The following CLSTN2 variants were observed in gnomAD, a reference collection of about 807,000 sequenced individuals.
The protein encoded by CLSTN2 is calsyntenin 2, also known as calsyntenin-2.
CLSTN2 carries 48 observed loss-of-function variants against 101.2 expected under a neutral mutation model. The observed-to-expected ratio is 0.47, with a 90% CI of 0.38 to 0.60. CLSTN2 has a LOEUF of 0.60. Among genes scored for constraint, CLSTN2 ranks in the 20% least tolerant of loss-of-function variants. CLSTN2 has a pLI of 0.00. For synonymous variants in CLSTN2, 481 were observed against 463.6 expected, an observed-to-expected ratio of 1.04 and a Z score of -0.48; for missense variants, 1,160 against 1,238.2, an observed-to-expected ratio of 0.94 and a Z score of 0.95.
chr3:140,123,965 C>T (rs1395103424), intron 1 of CLSTN2, among the ~76,000 whole-genome samples: 3 of 152,196 alleles, frequency 2.0e-5, no homozygotes, highest in Non-Finnish European at 2.9e-5. Flanking sequence ...TCTACAAAAA[C>T]AATCACACTG....
intron 5 of CLSTN2, among the ~76,000 whole-genome samples, chr3:140,444,807 C>T (rs1559871486): frequency 6.6e-6 from 1 of 152,114 alleles, no homozygotes; most frequent in Non-Finnish European, 1.5e-5. Flanking sequence ...AAGTGGTAAG[C>T]GTGGGATTTA....
intron 1 of CLSTN2, among the ~76,000 whole-genome samples, chr3:139,947,634 A>C (rs2107808987): frequency 6.6e-6 from 1 of 152,358 alleles, no homozygotes; most frequent in South Asian, 2.1e-4. Context: ...TGTCATAGCT[A>C]AGACCCCGAT....
chr3:140,399,787 T>C, intron 2 of CLSTN2, among the ~76,000 whole-genome samples: 1 of 152,096 alleles, frequency 6.6e-6, no homozygotes, highest in East Asian at 1.9e-4. Flanking sequence ...GGTGCTAGAG[T>C]TTGGAGTATG....
At chr3:140,310,120 G>A (rs539394710) in intron 2 of CLSTN2, among the ~76,000 whole-genome samples, 1 of 152,206 alleles carries the variant, frequency 6.6e-6, no homozygotes, top group South Asian at 2.1e-4. Flanking sequence ...TAAGACTGCA[G>A]GAGCTCAGAT....
rs1491481391 is a variant in CLSTN2, at chr3:140,171,798, AAT to A, written c.110-4150_110-4149del. ...ATGTATTATATAATATATAATATAT[AAT>A]ATGTATTATATATTATATATTATAT... On this transcript the variant is annotated intron_variant, in intron 1 of 16. Transcript: ENST00000458420. 8.1e-5 allele frequency among the ~76,000 whole-genome samples: 8 copies of A among 98,616 alleles called. No homozygotes were observed. In the East Asian group the frequency reaches 1.5e-3, roughly 19 times the overall value. The allele number at this position is 98,616 out of a possible 152,430, so 64.7% of individuals were successfully genotyped here.
At chr3:140,466,322 C>G (rs1933700842) in intron 7 of CLSTN2, among the ~76,000 whole-genome samples, 1 of 152,056 alleles carries the variant, frequency 6.6e-6, no homozygotes, top group Non-Finnish European at 1.5e-5. Flanking sequence ...TAATTTGTAC[C>G]CTGGGACTGA....
intron 1 of CLSTN2, among the ~76,000 whole-genome samples, chr3:139,973,476 G>A (rs755729319): frequency 3.3e-5 from 5 of 152,084 alleles, no homozygotes; most frequent in Admixed American, 6.6e-5. Flanking sequence ...CTTGGGGGTT[G>A]GGGGGAAGGA....
chr3:140,307,447 T>A (rs575264469), intron 2 of CLSTN2, among the ~76,000 whole-genome samples: 11 of 152,026 alleles, frequency 7.2e-5, no homozygotes, highest in Non-Finnish European at 1.5e-4. Context: ...ATCATGTCCA[T>A]GTCTCACTGC....
At chr3:139,983,272 A>G (rs1935964503) in intron 1 of CLSTN2, among the ~76,000 whole-genome samples, 1 of 152,142 alleles carries the variant, frequency 6.6e-6, no homozygotes, top group Non-Finnish European at 1.5e-5. Context: ...TTATAAAAAG[A>G]GTGGACTGAA....
intron 2 of CLSTN2, among the ~76,000 whole-genome samples, chr3:140,349,472 G>T (rs1333210243): frequency 6.6e-6 from 1 of 152,140 alleles, no homozygotes; most frequent in African/African-American, 2.4e-5. Flanking sequence ...TTTTGCAATG[G>T]GGATAATCCA....
chr3:140,109,104 G>C (rs935556325), intron 1 of CLSTN2, among the ~76,000 whole-genome samples: 5 of 152,190 alleles, frequency 3.3e-5, no homozygotes, highest in African/African-American at 1.2e-4. Flanking sequence ...ATGGCTTAGG[G>C]AGTTAATTCT....
chr3:140,491,856 A>C (rs1263079543), intron 8 of CLSTN2, among the ~76,000 whole-genome samples: 1 of 152,180 alleles, frequency 6.6e-6, no homozygotes, highest in Admixed American at 6.5e-5. Flanking sequence ...AGTTTAAATA[A>C]AAATATTAAG....
intron 1 of CLSTN2, among the ~76,000 whole-genome samples, chr3:140,065,424 T>C (rs2008282989): frequency 6.6e-6 from 1 of 152,226 alleles, no homozygotes; most frequent in African/African-American, 2.4e-5. Flanking sequence ...TGAGCACTTG[T>C]TCAAATGCAA....
intron 2 of CLSTN2, among the ~76,000 whole-genome samples, chr3:140,326,669 C>T (rs944737879): frequency 6.6e-6 from 1 of 152,290 alleles, no homozygotes; most frequent in Admixed American, 6.5e-5. Context: ...AGCTACCACC[C>T]TTTTTGTCCT....
At chr3:140,419,194 T>C (rs964561383) in intron 4 of CLSTN2, among the ~76,000 whole-genome samples, 23 of 151,428 alleles carry the variant, frequency 1.5e-4, no homozygotes, top group African/African-American at 5.6e-4. Flanking sequence ...AAAATATACC[T>C]GAGTCAGGCT....
At chr3:140,465,263 G>A (rs1933662712) in intron 7 of CLSTN2, among the ~76,000 whole-genome samples, 1 of 152,218 alleles carries the variant, frequency 6.6e-6, no homozygotes, top group Admixed American at 6.5e-5. Context: ...ATCTGTGCCT[G>A]TAAGTGTATC....
intron 9 of CLSTN2, among the ~76,000 whole-genome samples, chr3:140,542,061 A>T (rs571314940): frequency 4.5e-4 from 69 of 152,306 alleles, no homozygotes; most frequent in African/African-American, 1.5e-3. Flanking sequence ...CTGTCCCTCC[A>T]CTTAAGGATT....
At chr3:140,426,947 G>A (rs1235893509) in intron 5 of CLSTN2, among the ~76,000 whole-genome samples, 1 of 151,970 alleles carries the variant, frequency 6.6e-6, no homozygotes, top group African/African-American at 2.4e-5. Flanking sequence ...GGCCGAGGCG[G>A]GTGGATCACT....
intron 1 of CLSTN2, among the ~76,000 whole-genome samples, chr3:139,988,676 C>T (rs1218993921): frequency 2.0e-5 from 3 of 151,946 alleles, no homozygotes; most frequent in Admixed American, 6.6e-5. Context: ...CAAGGTGGTA[C>T]CGTGGTGGGG....
Sources: allele counts gnomAD v4.1 joint callset (sites outside exome capture counted in the v4.1 genomes callset), GRCh38; gene constraint gnomAD v4.1.1; transcripts MANE v1.5; gene names NCBI Gene and HGNC (gene_info 2026-07-23, HGNC 2026-07-21).